SOAT2: variants seen among roughly 807,000 people sequenced by gnomAD.
SOAT2 encodes the protein ACAT-2.
Under a neutral mutation model 76.0 loss-of-function variants are expected in SOAT2, and 87 were observed. The observed-to-expected ratio is 1.14, with a 90% CI of 0.96 to 1.37. The LOEUF is 1.37. Ranked by LOEUF, SOAT2 falls within the 40% of genes most tolerant of loss-of-function variation. The pLI is 0.00. For synonymous variants in SOAT2, 285 were observed against 275.4 expected (o/e 1.03, Z -0.34); for missense variants, 686 against 682.1 (o/e 1.01, Z -0.06).
chr12:53,120,554 A>G (rs822687), intron 10 of SOAT2, among the ~76,000 whole-genome samples: 40,102 of 150,632 alleles, frequency 0.27, 8,068 homozygotes, highest in African/African-American at 0.57. Context: ...TGGGAGGATC[A>G]CTTGAGTCCA....
intron 5 of SOAT2, 147 bp from the exon 6 acceptor site, chr12:53,115,243 G>T (rs1289406347): frequency 7.2e-6 from 6 of 828,086 alleles, no homozygotes; most frequent in African/African-American, 1.7e-5. Context: ...CTGTGCCACA[G>T]AGGTGCCGTC....
intron 5 of SOAT2, among the ~76,000 whole-genome samples, chr12:53,106,449 C>T (rs146537969): frequency 5.7e-4 from 87 of 152,392 alleles, no homozygotes; most frequent in African/African-American, 1.8e-3. Context: ...GGAAGACAGA[C>T]ATGTAACCAA....
At position 53,115,434 on chromosome 12, in the gene SOAT2, T is replaced by C; in HGVS notation, c.488T>C (p.Leu163Pro). 6.2e-7 allele frequency: 1 copy of C among 1,611,996 alleles called. No individual in the cohort carries two copies. The highest frequency in any genetic ancestry group is 8.5e-7 in the Non-Finnish European group (1 of 1,179,350). Residue 163 changes from leucine to proline, a missense_variant, in exon 6 of 15, where the codon CTG becomes CCG. Coordinates refer to ENST00000301466, the MANE Select transcript of SOAT2 (RefSeq NM_003578.4). ...CTACTGATCTTCAGCTTCGGACAGC[T>C]GCCATTGGCGCTGGTGACCTGGGTG... is the stretch of plus-strand genomic sequence containing the variant. ...FDLLIFSFGQ[L>P]PLALVTWVPM...
In SOAT2 at chr12:53,115,534, G is replaced by T. The variant is rs772999984; in HGVS notation, c.588G>T (p.Ala196=). 1.2e-6 allele frequency: 2 copies of T among 1,602,168 alleles called. No homozygotes were observed. Among genetic ancestry groups the T allele is most frequent in the South Asian group, 2.2e-5 (2 of 90,734 alleles). ...RLWARGTWTQ[A]TGLGCALLAA... ...GGGCCAGGGGCACCTGGACGCAGGC[G>T]ACGGGCCTGGGCTGTGCGCTGCTAG... Residue 196 remains alanine, a synonymous_variant, in exon 6 of 15, where the codon GCG becomes GCT. Transcript: ENST00000301466.
At chr12:53,109,493 CT>C (rs932567627) in intron 5 of SOAT2, among the ~76,000 whole-genome samples, 1 of 151,204 alleles carries the variant, frequency 6.6e-6, no homozygotes, top group African/African-American at 2.5e-5. Context: ...TATTTATTTT[CT>C]TTTTTGAGAC....
At chr12:53,118,460 A>G in intron 8 of SOAT2, 26 bp downstream of exon 8, 1 of 1,541,882 alleles carries the variant, frequency 6.5e-7, no homozygotes, top group Non-Finnish European at 9.0e-7. Flanking sequence ...CCTTCCCCAA[A>G]TGCCCAGGCC....
chr12:53,108,342 T>C (rs114029326), intron 5 of SOAT2, among the ~76,000 whole-genome samples: 7,819 of 152,264 alleles, frequency 0.051, 474 homozygotes, highest in African/African-American at 0.15. Context: ...GTTCGATTCC[T>C]TAAAAAAGAG....
intron 5 of SOAT2, 45 bp from the exon 6 acceptor site, chr12:53,115,345 A>G: frequency 6.5e-7 from 1 of 1,534,634 alleles, no homozygotes; most frequent in African/African-American, 1.4e-5. Context: ...AGGGGACAAG[A>G]ATGGGCTTCA....
At chr12:53,111,653 A>G (rs11542455) in intron 5 of SOAT2, among the ~76,000 whole-genome samples, 28,370 of 152,176 alleles carry the variant, frequency 0.19, 3,376 homozygotes, top group African/African-American at 0.35. Context: ...GACACCTTAT[A>G]GTATTTGGCA....
At chr12:53,118,314 T>G in intron 7 of SOAT2, 36 bp from the exon 8 acceptor site, 2 of 1,320,560 alleles carry the variant, frequency 1.5e-6, no homozygotes, top group Non-Finnish European at 1.1e-6. Flanking sequence ...CCTCTGCCCT[T>G]GCCCTTACTA....
intron 6 of SOAT2, 119 bp downstream of exon 6, chr12:53,115,773 T>C: frequency 8.0e-7 from 1 of 1,252,084 alleles, no homozygotes. Flanking sequence ...GGAGAAGGCA[T>C]TGGCAGGGGC....
rs776238835 is a variant in SOAT2, at chr12:53,124,100, C to T, written c.1546C>T (p.Arg516Ter). The change falls in exon 15 of 15, where the codon CGA becomes TGA. Residue 516 changes from arginine (R) to a stop codon, truncating the protein, a stop_gained. Transcript: ENST00000301466. LOFTEE classifies it high-confidence loss of function. ...AACTTTCTGGGGGCTGGTGACACCTCGATCTTGGTCCTGCCATACCTAGAG... is the reference window on the plus strand; with the variant it reads ...AACTTTCTGGGGGCTGGTGACACCTTGATCTTGGTCCTGCCATACCTAGAG... Reference protein sequence around the residue: ...QATFWGLVTPRSWSCHT With the variant: ...QATFWGLVTP The T allele has an allele frequency of 2.5e-6, 4 of 1,614,064 alleles. No individual in the cohort carries two copies. The African/African-American group carries it at 4.0e-5, about 16-fold the overall frequency.
Position 53,124,140 on chromosome 12 carries a change from C to T in SOAT2, c.*17C>T, listed in dbSNP as rs369968513. On this transcript the variant is annotated 3_prime_UTR_variant, in exon 15 of 15. Transcript: ENST00000301466. ...CATACCTAGAGGTCGGGACAGACGA[C>T]GCTACCTGCCCAGACACCACCAAGT... The T allele has an allele frequency of 1.4e-5, 23 of 1,613,800 alleles. No homozygotes were observed. The highest frequency in any genetic ancestry group is 9.9e-5 in the South Asian group (9 of 91,082).
chr12:53,115,555 G>T lies in SOAT2; in HGVS notation c.609G>T (p.Leu203=), dbSNP rs3219199. The T allele has an allele frequency of 0.12, 198,844 of 1,592,726 alleles. 15,207 individuals are homozygous for T. Among genetic ancestry groups the T allele is most frequent in the African/African-American group, 0.36 (27,094 of 74,730 alleles). ...AGGCGACGGGCCTGGGCTGTGCGCT[G>T]CTAGCCGCCCACGCCGTGGTGCTCT... ...WTQATGLGCA[L]LAAHAVVLCA... is the part of the protein sequence containing the mutation. The change falls in exon 6 of 15, where the codon CTG becomes CTT. Residue 203 remains leucine (L), a synonymous_variant. Transcript: ENST00000301466.
At chr12:53,106,154 A>C in intron 5 of SOAT2, 140 bp downstream of exon 5, 1 of 610,540 alleles carries the variant, frequency 1.6e-6, no homozygotes, top group Non-Finnish European at 2.9e-6. Context: ...GCTCCCAACA[A>C]CCTTTCCACC....
chr12:53,116,583 G>A (rs12301441), intron 7 of SOAT2, among the ~76,000 whole-genome samples: 12 of 152,334 alleles, frequency 7.9e-5, no homozygotes, highest in African/African-American at 2.6e-4. Flanking sequence ...CCAGCTGCAG[G>A]CTGAGCACAG....
Position 53,115,515 on chromosome 12 carries a change from G to A in SOAT2, c.569G>A (p.Arg190Lys). Reference sequence around the variant, plus strand: ...TACCAGGCCCTACGGCTGTGGGCCAGGGGCACCTGGACGCAGGCGACGGGC... The same window carrying A: ...TACCAGGCCCTACGGCTGTGGGCCAAGGGCACCTGGACGCAGGCGACGGGC... ...APYQALRLWA[R>K]GTWTQATGLG... The change falls in exon 6 of 15, where the codon AGG (arginine) becomes AAG (lysine). Residue 190 changes from arginine to lysine, a missense_variant. Transcript: ENST00000301466. 6.2e-7 allele frequency: 1 copy of A among 1,606,724 alleles called. No individual in the cohort carries two copies. Among genetic ancestry groups the A allele is most frequent in the South Asian group, 1.1e-5 (1 of 90,944 alleles).
chr12:53,107,101 T>G (rs77868815), intron 5 of SOAT2, among the ~76,000 whole-genome samples: 1 of 152,198 alleles, frequency 6.6e-6, no homozygotes, highest in Non-Finnish European at 1.5e-5. Flanking sequence ...GTTATGGAGG[T>G]CTGCATTAGT....
chr12:53,124,191 G>A lies in SOAT2; in HGVS notation c.*68G>A. The A allele has an allele frequency of 6.4e-7, 1 of 1,569,816 alleles. No individual in the cohort carries two copies. The highest frequency in any genetic ancestry group is 8.8e-7 in the Non-Finnish European group (1 of 1,140,262). ...TCTCTGCCTGCAAAACCTGGGACCA[G>A]GACTCCTGTCTGCATTCCCAAATTT... On this transcript the variant is annotated 3_prime_UTR_variant, in exon 15 of 15. Transcript: ENST00000301466.
Sources: gnomAD v4.1 joint callset for allele counts (sites outside exome capture counted in the v4.1 genomes callset) on GRCh38, gnomAD v4.1.1 for gene constraint, MANE v1.5 for transcripts, NCBI Gene and HGNC (gene_info 2026-07-23, HGNC 2026-07-21) for gene names.